ZNF609: variants seen among roughly 807,000 people sequenced by gnomAD.
The protein encoded by ZNF609 is zinc finger protein 609.
A neutral mutation model predicts 109.5 loss-of-function variants in ZNF609; 11 were observed. That is an observed-to-expected ratio of 0.10 (90% confidence interval 0.06 to 0.17). ZNF609 has a LOEUF of 0.17. Among genes scored for constraint, ZNF609 ranks in the 10% least tolerant of loss-of-function variants. The pLI is 1.00. For synonymous variants in ZNF609, 646 were observed against 662.0 expected (o/e 0.98, Z 0.37); for missense variants, 1,559 against 1,772.4 (o/e 0.88, Z 2.16).
chr15:64,556,743 C>T (rs1400117852), intron 2 of ZNF609, among the ~76,000 whole-genome samples: 1 of 152,030 alleles, frequency 6.6e-6, no homozygotes, highest in Non-Finnish European at 1.5e-5. Flanking sequence ...CAGTGTTTAC[C>T]TTCCGATTTT....
chr15:64,550,729 G>A (rs1047924980), intron 2 of ZNF609, among the ~76,000 whole-genome samples: 8 of 151,124 alleles, frequency 5.3e-5, no homozygotes, highest in African/African-American at 1.9e-4. Context: ...CCAGCTACTT[G>A]AGAGGCCGAG....
intron 3 of ZNF609, among the ~76,000 whole-genome samples, chr15:64,629,743 C>G (rs984080720): frequency 2.0e-5 from 3 of 152,158 alleles, no homozygotes; most frequent in African/African-American, 4.8e-5. Flanking sequence ...AATAGGGGCT[C>G]TTACTAAGGG....
intron 2 of ZNF609, among the ~76,000 whole-genome samples, chr15:64,596,509 C>G (rs1276203990): frequency 6.6e-6 from 1 of 152,192 alleles, no homozygotes; most frequent in Non-Finnish European, 1.5e-5. Context: ...GCCTATAGTG[C>G]TTATCCCTTG....
intron 2 of ZNF609, among the ~76,000 whole-genome samples, chr15:64,575,489 C>T (rs1384818405): frequency 1.3e-5 from 2 of 151,674 alleles, no homozygotes; most frequent in Non-Finnish European, 2.9e-5. Context: ...TTTGCACATA[C>T]AGAATTTCTG....
At chr15:64,627,663 CT>C (rs35293725) in intron 3 of ZNF609, among the ~76,000 whole-genome samples, 542 of 86,002 alleles carry the variant, frequency 6.3e-3, no homozygotes, top group African/African-American at 0.022. Flanking sequence ...TTTTTTCTTT[CT>C]TTTTTTTTTT....
intron 2 of ZNF609, among the ~76,000 whole-genome samples, chr15:64,587,591 A>G (rs1357281766): frequency 6.6e-6 from 1 of 152,172 alleles, no homozygotes; most frequent in Non-Finnish European, 1.5e-5. Flanking sequence ...GTGTTCATTG[A>G]TTATACTCAA....
At chr15:64,544,207 G>T (rs756035617) in intron 2 of ZNF609, among the ~76,000 whole-genome samples, 74 of 152,102 alleles carry the variant, frequency 4.9e-4, no homozygotes, top group Non-Finnish European at 1.6e-4. Flanking sequence ...GGGCGTGGTG[G>T]CATGCATCTG....
In ZNF609 at chr15:64,675,095, T is replaced by A. The variant is rs1454979228; in HGVS notation, c.2241T>A (p.Pro747=). ...SSKELESPLT[P]GKVCRAEEGK... ...AGGAACTTGAAAGTCCTCTGACCCC[T>A]GGGAAGGTGTGTCGAGCAGAGGAAG... is the stretch of plus-strand genomic sequence containing the variant. Residue 747 remains proline (P), a synonymous_variant, in exon 5 of 10, where the codon CCT becomes CCA. Transcript: ENST00000326648. 1 of 1,614,034 alleles carries A rather than the reference T, an allele frequency of 6.2e-7. No individual in the cohort carries two copies. Among genetic ancestry groups the A allele is most frequent in the Non-Finnish European group, 8.5e-7 (1 of 1,180,012 alleles).
intron 2 of ZNF609, among the ~76,000 whole-genome samples, chr15:64,542,578 T>G (rs1464171237): frequency 6.6e-6 from 1 of 152,228 alleles, no homozygotes; most frequent in East Asian, 1.9e-4. Flanking sequence ...TCCAAAGTTT[T>G]CATTGTTCAA....
chr15:64,590,670 A>G (rs1411212070), intron 2 of ZNF609, among the ~76,000 whole-genome samples: 1 of 84,206 alleles, frequency 1.2e-5, no homozygotes, highest in Non-Finnish European at 3.2e-5. Flanking sequence ...ACACACATAT[A>G]CATGCATATA....
intron 3 of ZNF609, among the ~76,000 whole-genome samples, chr15:64,624,646 A>T (rs577839315): frequency 6.6e-6 from 1 of 152,100 alleles, no homozygotes; most frequent in East Asian, 1.9e-4. Context: ...CCTTCCTGCC[A>T]GGGCAAAATT....
At chr15:64,512,012 C>T (rs1441559955) in intron 2 of ZNF609, among the ~76,000 whole-genome samples, 1 of 150,646 alleles carries the variant, frequency 6.6e-6, no homozygotes, top group Non-Finnish European at 1.5e-5. Context: ...CGCACCCTGC[C>T]TACTTTTTTT....
intron 2 of ZNF609, among the ~76,000 whole-genome samples, chr15:64,576,104 A>G (rs974790658): frequency 6.6e-6 from 1 of 150,732 alleles, no homozygotes; most frequent in Admixed American, 6.6e-5. Context: ...TCAGTCTCAA[A>G]TAATAATAAT....
rs1895247101 is a variant in ZNF609 at position 64,588,852 on chromosome 15, G to A, written c.748-33975G>A. Among the ~76,000 whole-genome samples the A allele has an allele frequency of 3.3e-5, 5 of 152,020 alleles. No homozygotes were observed. The South Asian group carries it at 1.0e-3, about 32-fold the overall frequency. On this transcript the variant is annotated intron_variant, in intron 2 of 9. Coordinates refer to ENST00000326648, the MANE Select transcript of ZNF609 (RefSeq NM_015042.2). ...GGGGTTTCACCATATTGGTCAGGCT[G>A]GTCTCGAACTCCTGACCTCGGGTTC...
At chr15:64,651,110 T>C (rs1896409240) in intron 3 of ZNF609, among the ~76,000 whole-genome samples, 1 of 152,126 alleles carries the variant, frequency 6.6e-6, no homozygotes, top group South Asian at 2.1e-4. Flanking sequence ...TATAAACATA[T>C]ATATACATAT....
intron 1 of ZNF609, among the ~76,000 whole-genome samples, chr15:64,488,736 C>T (rs772913591): frequency 6.6e-6 from 1 of 152,056 alleles, no homozygotes; most frequent in Non-Finnish European, 1.5e-5. Context: ...CTTGTCTGTT[C>T]TGAAAAATGC....
At chr15:64,511,714 A>ATT (rs980847553) in intron 2 of ZNF609, among the ~76,000 whole-genome samples, 20 of 137,014 alleles carry the variant, frequency 1.5e-4, no homozygotes, top group Admixed American at 2.9e-4. Context: ...CAAGCATGTA[A>ATT]TTTTTTTTTT....
intron 1 of ZNF609, among the ~76,000 whole-genome samples, chr15:64,469,833 G>C (rs1422231230): frequency 2.6e-5 from 4 of 152,110 alleles, no homozygotes; most frequent in Non-Finnish European, 5.9e-5. Flanking sequence ...AGTTGAGAAA[G>C]CTGCAGAAAA....
intron 2 of ZNF609, among the ~76,000 whole-genome samples, chr15:64,616,581 G>A (rs1385289894): frequency 2.2e-5 from 3 of 134,722 alleles, no homozygotes; most frequent in Admixed American, 8.6e-5. Context: ...GTGCAGTGGC[G>A]TGATCTCGGC....
Sources: gnomAD v4.1 joint callset for allele counts (sites outside exome capture counted in the v4.1 genomes callset) on GRCh38, gnomAD v4.1.1 for gene constraint, MANE v1.5 for transcripts, NCBI Gene and HGNC (gene_info 2026-07-23, HGNC 2026-07-21) for gene names.